Variants in PLXDC2 observed in about 807,000 individuals in gnomAD.
PLXDC2 encodes plexin domain-containing protein 2.
A neutral mutation model predicts 68.9 loss-of-function variants in PLXDC2; 40 were observed. The ratio of observed to expected loss-of-function variants is 0.58; its 90% CI spans 0.45 to 0.76. The LOEUF (loss-of-function observed/expected upper bound fraction) is 0.76, where lower values mean the gene tolerates loss of function less well. PLXDC2 is among the 30% of genes least tolerant of loss of function. PLXDC2 has a pLI of 0.00. For missense variants in PLXDC2, 644 were observed against 661.9 expected (o/e 0.97, Z 0.30); for synonymous variants, 243 against 234.2 (o/e 1.04, Z -0.34).
intron 1 of PLXDC2, among the ~76,000 whole-genome samples, chr10:19,827,243 G>A (rs1427977475): frequency 3.3e-5 from 5 of 152,210 alleles, no homozygotes; most frequent in Non-Finnish European, 1.5e-5. Flanking sequence ...AATTATCCTT[G>A]TACTGATACA....
chr10:19,992,857 C>A (rs930238602), intron 1 of PLXDC2, among the ~76,000 whole-genome samples: 10 of 152,032 alleles, frequency 6.6e-5, no homozygotes, highest in Non-Finnish European at 1.2e-4. Context: ...TTTAAATAGC[C>A]CACTTTGCTT....
At chr10:20,237,155 C>T (rs1413950444) in intron 12 of PLXDC2, among the ~76,000 whole-genome samples, 2 of 152,074 alleles carry the variant, frequency 1.3e-5, no homozygotes, top group Non-Finnish European at 2.9e-5. Flanking sequence ...TACATAATGT[C>T]CTTAGATGTG....
At chr10:20,155,810 A>C (rs1834209038) in intron 6 of PLXDC2, among the ~76,000 whole-genome samples, 1 of 152,140 alleles carries the variant, frequency 6.6e-6, no homozygotes, top group African/African-American at 2.4e-5. Context: ...GCTGTGTGTA[A>C]AAATAAATAA....
At chr10:20,194,463 G>T (rs1324807204) in intron 9 of PLXDC2, among the ~76,000 whole-genome samples, 1 of 151,780 alleles carries the variant, frequency 6.6e-6, no homozygotes, top group Admixed American at 6.6e-5. Flanking sequence ...TTGAACAATG[G>T]CTATTTTCAA....
intron 3 of PLXDC2, among the ~76,000 whole-genome samples, chr10:20,057,657 C>A (rs1237303109): frequency 6.6e-6 from 1 of 151,950 alleles, no homozygotes. Context: ...CTATTAGACA[C>A]TCTCTATTAA....
chr10:19,901,392 C>A (rs1589527324), intron 1 of PLXDC2, among the ~76,000 whole-genome samples: 1 of 152,034 alleles, frequency 6.6e-6, no homozygotes, highest in South Asian at 2.1e-4. Context: ...GGTGGTATTG[C>A]CTTGTGGTTT....
chr10:19,834,171 G>A (rs193039557), intron 1 of PLXDC2, among the ~76,000 whole-genome samples: 1 of 152,278 alleles, frequency 6.6e-6, no homozygotes, highest in African/African-American at 2.4e-5. Context: ...TTGCAAGGAG[G>A]AGGAATGGTC....
chr10:20,012,304 T>TC (rs1564656367), intron 2 of PLXDC2, among the ~76,000 whole-genome samples: 45 of 7,890 alleles, frequency 5.7e-3, no homozygotes, highest in East Asian at 0.01. Flanking sequence ...TCTCTCTCTC[T>TC]TTTTTATTTT....
chr10:19,946,991 G>C (rs961286431), intron 1 of PLXDC2, among the ~76,000 whole-genome samples: 3 of 152,116 alleles, frequency 2.0e-5, no homozygotes, highest in Admixed American at 6.5e-5. Context: ...CGGGTCCATG[G>C]CCCTGGGGTT....
intron 1 of PLXDC2, among the ~76,000 whole-genome samples, chr10:19,930,503 A>G (rs1833610127): frequency 6.6e-6 from 1 of 152,144 alleles, no homozygotes; most frequent in African/African-American, 2.4e-5. Context: ...CAGAATTTTT[A>G]TTTCAGGCAT....
chr10:19,841,926 A>G (rs1024128445), intron 1 of PLXDC2, among the ~76,000 whole-genome samples: 1 of 152,150 alleles, frequency 6.6e-6, no homozygotes, highest in Admixed American at 6.5e-5. Context: ...CATACAAAAA[A>G]ATAGAAATGA....
chr10:19,869,476 G>C lies in PLXDC2; in HGVS notation c.112+52285G>C, dbSNP rs58030846. Among the ~76,000 whole-genome samples, 682 of 123,920 alleles carry C rather than the reference G, an allele frequency of 5.5e-3. 32 individuals carry two copies. The highest frequency in any genetic ancestry group is 0.019 in the African/African-American group (642 of 33,404). 81.3% of individuals were successfully genotyped at this position (123,920 alleles called of 152,430 possible). A position where few individuals can be genotyped will look rare whatever the true frequency, so the allele number is the denominator to read the frequency against. ...GAAAGAGAGAGAGAGAAAGGGGGGG[G>C]GGGGAGAGGGTGGGAGGGAGGGAGG... On this transcript the variant is annotated intron_variant, in intron 1 of 13. Transcript: ENST00000377252.
intron 13 of PLXDC2, among the ~76,000 whole-genome samples, chr10:20,255,474 A>C (rs1036930052): frequency 6.6e-6 from 1 of 152,156 alleles, no homozygotes; most frequent in Non-Finnish European, 1.5e-5. Flanking sequence ...TAAAATAAAT[A>C]CTTAAGCCTT....
At chr10:20,250,495 T>A (rs1835661740) in intron 13 of PLXDC2, among the ~76,000 whole-genome samples, 1 of 152,240 alleles carries the variant, frequency 6.6e-6, no homozygotes, top group Non-Finnish European at 1.5e-5. Context: ...AGACTGTGTG[T>A]GTTACAAAGA....
intron 2 of PLXDC2, among the ~76,000 whole-genome samples, chr10:20,028,474 C>T (rs1589594563): frequency 2.6e-5 from 4 of 152,044 alleles, no homozygotes; most frequent in African/African-American, 4.8e-5. Context: ...TTGTGAGTTG[C>T]GAATGTACTA....
At chr10:20,039,394 C>G (rs12777653) in intron 2 of PLXDC2, among the ~76,000 whole-genome samples, 42,137 of 152,058 alleles carry the variant, frequency 0.28, 7,728 homozygotes, top group Middle Eastern at 0.43. Flanking sequence ...AAAAATTGCA[C>G]TCTACAGCAG....
chr10:20,232,949 A>G (rs1835384865), intron 12 of PLXDC2, among the ~76,000 whole-genome samples: 1 of 152,226 alleles, frequency 6.6e-6, no homozygotes. Flanking sequence ...TAAACTAGGC[A>G]TAGTTTTTTT....
intron 4 of PLXDC2, among the ~76,000 whole-genome samples, chr10:20,102,533 G>C (rs1465627480): frequency 1.3e-5 from 2 of 152,100 alleles, no homozygotes; most frequent in Non-Finnish European, 2.9e-5. Context: ...AAGGATTCTG[G>C]ATATGTTTTG....
intron 9 of PLXDC2, among the ~76,000 whole-genome samples, chr10:20,200,973 A>T (rs1834909507): frequency 6.6e-6 from 1 of 152,062 alleles, no homozygotes; most frequent in East Asian, 1.9e-4. Flanking sequence ...ACAGTATGGA[A>T]GTTCCTCAAA....
Sources: gnomAD v4.1 joint callset for allele counts (sites outside exome capture counted in the v4.1 genomes callset) on GRCh38, gnomAD v4.1.1 for gene constraint, MANE v1.5 for transcripts, NCBI Gene and HGNC (gene_info 2026-07-23, HGNC 2026-07-21) for gene names.